Variants in SLMAP observed in about 807,000 individuals in gnomAD.
The protein encoded by SLMAP is sarcolemma associated protein, also known as sarcolemmal membrane-associated protein.
Under a neutral mutation model 128.8 loss-of-function variants are expected in SLMAP, and 44 were observed. That is an observed-to-expected ratio of 0.34 (90% confidence interval 0.27 to 0.44). The LOEUF is 0.44. Ranked by LOEUF, SLMAP falls within the 20% of genes least tolerant of loss-of-function variation. The pLI, the probability that SLMAP is intolerant of heterozygous loss-of-function variation, is 1.00. For missense variants in SLMAP, 787 were observed against 985.3 expected, an observed-to-expected ratio of 0.80 and a Z score of 2.69; for synonymous variants, 327 against 348.8, an observed-to-expected ratio of 0.94 and a Z score of 0.70.
chr3:57,856,755 A>G (rs1324639157), intron 6 of SLMAP, among the ~76,000 whole-genome samples: 4 of 152,166 alleles, frequency 2.6e-5, no homozygotes, highest in African/African-American at 7.2e-5. Context: ...GTCATATAAT[A>G]CTATTATGTA....
intron 15 of SLMAP, among the ~76,000 whole-genome samples, chr3:57,892,096 C>T (rs2096090383): frequency 6.6e-6 from 1 of 152,128 alleles, no homozygotes; most frequent in Non-Finnish European, 1.5e-5. Flanking sequence ...CAGTAGTGAA[C>T]ATTTTACTAG....
chr3:57,860,864 T>C, intron 9 of SLMAP, 25 bp downstream of exon 9: 1 of 1,537,380 alleles, frequency 6.5e-7, no homozygotes, highest in Non-Finnish European at 8.8e-7. Context: ...AAAAAAATAC[T>C]AAATAGTATT....
chr3:57,833,635 G>T (rs1403126353), intron 3 of SLMAP, among the ~76,000 whole-genome samples: 3 of 151,940 alleles, frequency 2.0e-5, no homozygotes, highest in Non-Finnish European at 4.4e-5. Context: ...GGCCAGGATG[G>T]TCTCGTTCTC....
At chr3:57,829,332 CCACTAATGTAT>C (rs2093171167) in intron 2 of SLMAP, among the ~76,000 whole-genome samples, 1 of 151,350 alleles carries the variant, frequency 6.6e-6, no homozygotes, top group Non-Finnish European at 1.5e-5. Flanking sequence ...GCTTAGTAAC[CCACTAATGTAT>C]CAGAACTTGA....
chr3:57,762,475 A>G (rs1260322936), intron 2 of SLMAP, among the ~76,000 whole-genome samples: 1 of 152,214 alleles, frequency 6.6e-6, no homozygotes, highest in Admixed American at 6.5e-5. Flanking sequence ...GCAGGTGGAA[A>G]TCTAAGTGAC....
At chr3:57,878,535 G>T (rs1396592669) in intron 14 of SLMAP, among the ~76,000 whole-genome samples, 4 of 152,078 alleles carry the variant, frequency 2.6e-5, no homozygotes, top group Non-Finnish European at 4.4e-5. Context: ...TCTCTCACTG[G>T]CAGTATGATT....
intron 2 of SLMAP, among the ~76,000 whole-genome samples, chr3:57,772,303 T>G (rs1049514145): frequency 5.3e-5 from 8 of 152,232 alleles, no homozygotes; most frequent in South Asian, 2.1e-4. Context: ...AAGAACATTT[T>G]ATCAGTTGAG....
chr3:57,858,854 A>G (rs9846900), intron 8 of SLMAP, among the ~76,000 whole-genome samples: 33,755 of 152,120 alleles, frequency 0.22, 4,803 homozygotes, highest in Non-Finnish European at 0.32. Flanking sequence ...AGACAGGAGA[A>G]TCCCTTGAAC....
At chr3:57,844,281 CT>C (rs1222785692) in intron 4 of SLMAP, among the ~76,000 whole-genome samples, 1 of 151,978 alleles carries the variant, frequency 6.6e-6, no homozygotes, top group Non-Finnish European at 1.5e-5. Context: ...GTAGTCCCAG[CT>C]ACTCAGGAGA....
intron 14 of SLMAP, among the ~76,000 whole-genome samples, chr3:57,886,442 G>C (rs1390085515): frequency 6.6e-6 from 1 of 152,070 alleles, no homozygotes; most frequent in African/African-American, 2.4e-5. Flanking sequence ...GCAAGATAAA[G>C]ATGGTATTTT....
intron 2 of SLMAP, among the ~76,000 whole-genome samples, chr3:57,827,823 T>A: frequency 6.6e-6 from 1 of 152,028 alleles, no homozygotes; most frequent in East Asian, 1.9e-4. Flanking sequence ...AAGAAGGTTA[T>A]CAGCATAGAG....
intron 14 of SLMAP, 98 bp downstream of exon 14, chr3:57,871,796 C>A: frequency 1.1e-6 from 1 of 887,184 alleles, no homozygotes; most frequent in Non-Finnish European, 1.9e-6. Flanking sequence ...TTTGTTATAG[C>A]AGAAGTGCTT....
chr3:57,764,237 C>T (rs1172402998), intron 2 of SLMAP, among the ~76,000 whole-genome samples: 1 of 152,100 alleles, frequency 6.6e-6, no homozygotes, highest in Non-Finnish European at 1.5e-5. Flanking sequence ...TGCGGTGGCT[C>T]ACACCTGTAA....
In SLMAP at chr3:57,757,445, G is replaced by A; in HGVS notation, c.-207G>A. The A allele has an allele frequency of 1.7e-6, 1 of 598,018 alleles. No individual in the cohort carries two copies. The highest frequency in any genetic ancestry group is 3.0e-6 in the Non-Finnish European group (1 of 336,250). The allele number at this position is 598,018 out of a possible 1,614,324, so 37.0% of individuals were successfully genotyped here. A position where few individuals can be genotyped will look rare whatever the true frequency, so the allele number is the denominator to read the frequency against. ...CTTTTTGTGATCACGGCGTTGCAGC[G>A]TTTTAAAGGAGGTGATGGGGCTTGC... On this transcript the variant is annotated 5_prime_UTR_variant, in exon 2 of 25. Transcript: ENST00000671191.
chr3:57,898,636 TTTGA>T (rs1335670755), intron 17 of SLMAP: 1 of 152,208 alleles, frequency 6.6e-6, no homozygotes, highest in African/African-American at 2.4e-5. Context: ...CTGTTTTAGA[TTTGA>T]TTTTTATCCC....
intron 3 of SLMAP, among the ~76,000 whole-genome samples, chr3:57,835,806 A>T (rs1461813907): frequency 6.6e-6 from 1 of 152,224 alleles, no homozygotes; most frequent in Non-Finnish European, 1.5e-5. Context: ...ATAAATCTCA[A>T]ACTTTATCTC....
chr3:57,925,819 A>T, intron 23 of SLMAP, 26 bp from the exon 24 acceptor site: 2 of 1,501,762 alleles, frequency 1.3e-6, no homozygotes, highest in Non-Finnish European at 1.8e-6. Context: ...GCATAAAATG[A>T]TTTTAATATG....
At chr3:57,916,649 A>G (rs1286996426) in intron 21 of SLMAP, among the ~76,000 whole-genome samples, 1 of 152,218 alleles carries the variant, frequency 6.6e-6, no homozygotes, top group African/African-American at 2.4e-5. Context: ...CAAAATATAC[A>G]GTTAATTACC....
chr3:57,884,190 A>G (rs529489982), intron 14 of SLMAP, among the ~76,000 whole-genome samples: 9 of 152,152 alleles, frequency 5.9e-5, no homozygotes, highest in East Asian at 3.9e-4. Context: ...CGGTCTCCCA[A>G]TGTGCTGGGA....
Sources: allele counts gnomAD v4.1 joint callset (sites outside exome capture counted in the v4.1 genomes callset), GRCh38; gene constraint gnomAD v4.1.1; transcripts MANE v1.5; gene names NCBI Gene and HGNC (gene_info 2026-07-23, HGNC 2026-07-21).